Variants in SUPT3H observed in about 807,000 individuals in gnomAD.
The protein encoded by SUPT3H is SPT3 homolog, SAGA and STAGA complex component, also known as transcription initiation protein SPT3 homolog.
SUPT3H carries 44 observed loss-of-function variants against 44.3 expected under a neutral mutation model. The ratio of observed to expected loss-of-function variants is 0.99; its 90% CI spans 0.78 to 1.28. SUPT3H has a LOEUF of 1.28. SUPT3H is among the 50% of genes most tolerant of loss of function. The pLI is 0.00. For missense variants in SUPT3H, 380 were observed against 387.1 expected (o/e 0.98, Z 0.15); for synonymous variants, 124 against 125.6 (o/e 0.99, Z 0.09).
At chr6:44,986,332 G>A (rs1016898696) in intron 6 of SUPT3H, among the ~76,000 whole-genome samples, 3 of 152,124 alleles carry the variant, frequency 2.0e-5, no homozygotes, top group Non-Finnish European at 4.4e-5. Flanking sequence ...AGTGAACAGG[G>A]TAACAGAAAC....
At position 45,181,805 on chromosome 6, in the gene SUPT3H, A is replaced by C. The variant is rs866050818; in HGVS notation, c.102-75799T>G. Among the ~76,000 whole-genome samples the C allele has an allele frequency of 2.5e-3, 383 of 151,958 alleles. 3 individuals are homozygous for C. The highest frequency in any genetic ancestry group is 8.4e-3 in the African/African-American group (349 of 41,484). ...TGGGTGCAGCGCACCAGCATGGTAC[A>C]TGTATACATATGTAACTAACCTGCA... On this transcript the variant is annotated intron_variant, in intron 2 of 10. Coordinates refer to ENST00000371459, the MANE Select transcript of SUPT3H (RefSeq NM_003599.4).
chr6:45,140,377 C>T (rs1804987494), intron 2 of SUPT3H, among the ~76,000 whole-genome samples: 1 of 152,100 alleles, frequency 6.6e-6, no homozygotes, highest in South Asian at 2.1e-4. Flanking sequence ...TTTACCTTGG[C>T]CAACTTAGAG....
At chr6:45,091,430 G>A (rs1025300905) in intron 3 of SUPT3H, among the ~76,000 whole-genome samples, 1 of 151,784 alleles carries the variant, frequency 6.6e-6, no homozygotes, top group African/African-American at 2.4e-5. Flanking sequence ...AATTAGAAGG[G>A]ACCTTACAGA....
intron 10 of SUPT3H, among the ~76,000 whole-genome samples, chr6:44,842,902 T>C (rs562271977): frequency 9.9e-5 from 15 of 151,562 alleles, no homozygotes; most frequent in Non-Finnish European, 1.5e-4. Context: ...AAGACATTGC[T>C]CAATGAAAAA....
chr6:44,880,513 T>G (rs902452662), intron 10 of SUPT3H, among the ~76,000 whole-genome samples: 1 of 152,110 alleles, frequency 6.6e-6, no homozygotes, highest in African/African-American at 2.4e-5. Flanking sequence ...TGCAGGATAT[T>G]ATCCAGGAGA....
chr6:45,342,850 A>C (rs1473031821), intron 2 of SUPT3H, among the ~76,000 whole-genome samples: 3 of 152,224 alleles, frequency 2.0e-5, no homozygotes, highest in Non-Finnish European at 4.4e-5. Context: ...AAAGTCCTCC[A>C]ATTACAAGAT....
At chr6:44,905,341 C>T (rs898457278) in intron 10 of SUPT3H, among the ~76,000 whole-genome samples, 5 of 152,092 alleles carry the variant, frequency 3.3e-5, no homozygotes, top group African/African-American at 7.2e-5. Context: ...CAAACAGCCC[C>T]ATCAAAAAGT....
chr6:45,100,541 TAA>T lies in SUPT3H; in HGVS notation c.186+5379_186+5380del, dbSNP rs58120512. On this transcript the variant is annotated intron_variant, in intron 3 of 10. Transcript: ENST00000371459. ...GGGCATCATAGCAAGACCCTGTACT[TAA>T]AAAAAAAAAAAAAAAAAAAAAGACA... 7.5e-3 allele frequency among the ~76,000 whole-genome samples: 251 copies of T among 33,444 alleles called. 3 individuals are homozygous for T. The highest frequency in any genetic ancestry group is 0.041 in the African/African-American group (229 of 5,648). 21.9% of individuals were successfully genotyped at this position (33,444 alleles called of 152,430 possible). A position where few individuals can be genotyped will look rare whatever the true frequency, so the allele number is the denominator to read the frequency against.
At chr6:45,239,590 G>C (rs1248854728) in intron 2 of SUPT3H, among the ~76,000 whole-genome samples, 1 of 152,236 alleles carries the variant, frequency 6.6e-6, no homozygotes, top group African/African-American at 2.4e-5. Flanking sequence ...TTGTGTACGT[G>C]TATGTGTGGA....
Position 45,078,974 on chromosome 6 carries a change from T to C in SUPT3H, c.186+26948A>G, listed in dbSNP as rs188639836. 1.6e-4 allele frequency among the ~76,000 whole-genome samples: 25 copies of C among 152,318 alleles called. No homozygotes were observed. In the East Asian group the frequency reaches 2.9e-3, roughly 18 times the overall value. Reference sequence around the variant, plus strand: ...CATTTGTGCTTTCTTGATCTCAATGTCCACATCTCTCCCCATACTTGGGAA... The same window carrying C: ...CATTTGTGCTTTCTTGATCTCAATGCCCACATCTCTCCCCATACTTGGGAA... On this transcript the variant is annotated intron_variant, in intron 3 of 10. Transcript: ENST00000371459.
At chr6:44,850,185 C>G (rs548272456) in intron 10 of SUPT3H, among the ~76,000 whole-genome samples, 1 of 152,280 alleles carries the variant, frequency 6.6e-6, no homozygotes, top group Admixed American at 6.5e-5. Context: ...CACTAATGAT[C>G]AGATTAAATT....
chr6:44,837,451 G>A (rs777537326), intron 10 of SUPT3H, among the ~76,000 whole-genome samples: 12 of 152,144 alleles, frequency 7.9e-5, no homozygotes, highest in Non-Finnish European at 1.8e-4. Context: ...TTAGAGCAGG[G>A]GCTGGATAGT....
At chr6:44,872,415 GA>G (rs1424122431) in intron 10 of SUPT3H, among the ~76,000 whole-genome samples, 3 of 131,830 alleles carry the variant, frequency 2.3e-5, no homozygotes, top group Non-Finnish European at 4.9e-5. Flanking sequence ...ATAAGTGAAG[GA>G]GAAATAAAAT....
chr6:44,979,434 G>C (rs539957058), intron 6 of SUPT3H, among the ~76,000 whole-genome samples: 1 of 152,172 alleles, frequency 6.6e-6, no homozygotes, highest in African/African-American at 2.4e-5. Context: ...TTGGCCTATG[G>C]TTATGATTGT....
intron 9 of SUPT3H, 140 bp downstream of exon 9, chr6:44,953,170 T>C (rs1213143526): frequency 3.2e-6 from 2 of 631,576 alleles, no homozygotes; most frequent in South Asian, 2.1e-5. Context: ...TAAATACTTA[T>C]TTGAATGTCT....
intron 10 of SUPT3H, among the ~76,000 whole-genome samples, chr6:44,884,808 G>A (rs1199404864): frequency 6.6e-6 from 1 of 152,180 alleles, no homozygotes; most frequent in Non-Finnish European, 1.5e-5. Context: ...GAAGCAGGGC[G>A]AGGCATTGCT....
intron 3 of SUPT3H, among the ~76,000 whole-genome samples, chr6:45,021,268 T>C (rs760349983): frequency 2.0e-5 from 3 of 151,906 alleles, no homozygotes; most frequent in Admixed American, 2.0e-4. Context: ...AAAAGTTAGA[T>C]TCCCCCTGAA....
intron 9 of SUPT3H, among the ~76,000 whole-genome samples, chr6:44,941,588 A>G (rs1235422812): frequency 6.6e-6 from 1 of 152,166 alleles, no homozygotes; most frequent in Non-Finnish European, 1.5e-5. Context: ...AGGAAAAAAT[A>G]ATAGAGGTTC....
intron 3 of SUPT3H, among the ~76,000 whole-genome samples, chr6:45,037,942 T>A (rs1449348812): frequency 6.6e-6 from 1 of 152,142 alleles, no homozygotes; most frequent in Non-Finnish European, 1.5e-5. Context: ...AGTTATACAA[T>A]TAATGCTTTT....
Sources: allele counts gnomAD v4.1 joint callset (sites outside exome capture counted in the v4.1 genomes callset), GRCh38; gene constraint gnomAD v4.1.1; transcripts MANE v1.5; gene names NCBI Gene and HGNC (gene_info 2026-07-23, HGNC 2026-07-21).